Variants in PDE1C observed in about 807,000 individuals in gnomAD.
PDE1C encodes the protein dual specificity calcium/calmodulin-dependent 3',5'-cyclic nucleotide phosphodiesterase 1C.
A neutral mutation model predicts 93.1 loss-of-function variants in PDE1C; 62 were observed. That is an observed-to-expected ratio of 0.67 (90% CI 0.54 to 0.82). PDE1C has a LOEUF of 0.82. Among genes scored for constraint, PDE1C ranks in the 40% least tolerant of loss-of-function variants. The pLI is 0.00. For synonymous variants in PDE1C, 325 were observed against 310.1 expected (o/e 1.05, Z -0.50); for missense variants, 742 against 884.6 (o/e 0.84, Z 2.04).
chr7:31,782,555 C>T (rs1783512627), intron 16 of PDE1C, among the ~76,000 whole-genome samples: 1 of 152,164 alleles, frequency 6.6e-6, no homozygotes, highest in South Asian at 2.1e-4. Flanking sequence ...CACCAGGAGG[C>T]CCTGATGAAG....
intron 1 of PDE1C, among the ~76,000 whole-genome samples, chr7:32,423,896 C>CA (rs140564478): frequency 0.03 from 4,479 of 151,496 alleles, 140 homozygotes; most frequent in East Asian, 0.11. Context: ...GATCATTAAC[C>CA]AAAAAAAACA....
the PDE1C span, among the ~76,000 whole-genome samples, chr7:31,638,704 C>A: frequency 6.6e-6 from 1 of 151,922 alleles, no homozygotes; most frequent in Non-Finnish European, 1.5e-5. Flanking sequence ...TGTAATGTTC[C>A]TTTTCTCTGG....
intron 11 of PDE1C, 152 bp from the exon 12 acceptor site, chr7:31,828,525 C>G: frequency 1.7e-6 from 1 of 578,252 alleles, no homozygotes; most frequent in Non-Finnish European, 3.1e-6. Flanking sequence ...GCCTGCTTCT[C>G]TACATAAAAG....
intron 1 of PDE1C, among the ~76,000 whole-genome samples, chr7:32,238,661 T>C (rs181617811): frequency 6.6e-6 from 1 of 152,344 alleles, no homozygotes. Flanking sequence ...CACTTAATTA[T>C]GAAACCATTA....
chr7:31,667,084 T>A, the PDE1C span, among the ~76,000 whole-genome samples: 12 of 151,938 alleles, frequency 7.9e-5, no homozygotes, highest in African/African-American at 2.4e-4. Context: ...GGGGCAGGGG[T>A]CTCAGGTGGA....
At chr7:31,620,922 G>A in the PDE1C span, among the ~76,000 whole-genome samples, 5 of 152,040 alleles carry the variant, frequency 3.3e-5, no homozygotes, top group South Asian at 2.1e-4. Context: ...AGGAGCTGAT[G>A]GAGCTGAAAG....
the PDE1C span, among the ~76,000 whole-genome samples, chr7:31,691,985 C>T: frequency 2.6e-5 from 4 of 152,100 alleles, no homozygotes; most frequent in Non-Finnish European, 5.9e-5. Context: ...ATTTTCTGAG[C>T]CTCTGTCTCC....
intron 2 of PDE1C, among the ~76,000 whole-genome samples, chr7:32,031,447 A>G (rs1431844601): frequency 6.6e-6 from 1 of 152,292 alleles, no homozygotes; most frequent in Admixed American, 6.5e-5. Flanking sequence ...TCTAGATGAC[A>G]CCTCTACACT....
intron 1 of PDE1C, among the ~76,000 whole-genome samples, chr7:32,271,983 C>T (rs1811000465): frequency 6.6e-6 from 1 of 152,180 alleles, no homozygotes; most frequent in Non-Finnish European, 1.5e-5. Flanking sequence ...CAACAAATGC[C>T]AATAAGTCAC....
chr7:32,106,324 G>A (rs1475257651), intron 3 of PDE1C, among the ~76,000 whole-genome samples: 3 of 152,104 alleles, frequency 2.0e-5, no homozygotes, highest in Non-Finnish European at 4.4e-5. Flanking sequence ...GATTATAGGT[G>A]CAAGCCACTA....
At chr7:32,231,409 T>C (rs905508349) in intron 1 of PDE1C, among the ~76,000 whole-genome samples, 1 of 152,066 alleles carries the variant, frequency 6.6e-6, no homozygotes, top group Non-Finnish European at 1.5e-5. Flanking sequence ...AATGTAAAAA[T>C]AGTTGAAATG....
the PDE1C span, among the ~76,000 whole-genome samples, chr7:31,720,395 CCA>C: frequency 6.6e-6 from 1 of 152,156 alleles, no homozygotes; most frequent in Non-Finnish European, 1.5e-5. Context: ...AGCTTCCCTT[CCA>C]CTGCCTACAT....
the PDE1C span, among the ~76,000 whole-genome samples, chr7:31,627,184 C>T: frequency 1.3e-5 from 2 of 152,184 alleles, no homozygotes; most frequent in Non-Finnish European, 1.5e-5. Flanking sequence ...CCCCGTTGTC[C>T]ATGCAGTGCC....
At chr7:32,223,859 C>T (rs747136719) in intron 1 of PDE1C, among the ~76,000 whole-genome samples, 3 of 152,146 alleles carry the variant, frequency 2.0e-5, no homozygotes, top group Admixed American at 6.5e-5. Flanking sequence ...CATAGGCTCC[C>T]GGCAGCTTCC....
At chr7:31,843,314 T>C (rs2191876) in intron 9 of PDE1C, among the ~76,000 whole-genome samples, 125,721 of 151,778 alleles carry the variant, frequency 0.83, 52,195 homozygotes, top group East Asian at 0.96. Context: ...CCTCCTATGA[T>C]TGTGAAAATA....
chr7:31,898,028 G>T (rs1039620643), intron 2 of PDE1C, among the ~76,000 whole-genome samples: 319 of 49,030 alleles, frequency 6.5e-3, no homozygotes, highest in African/African-American at 0.013. Context: ...CTTTGTGTGT[G>T]TGTGTGTGTG....
At chr7:32,299,118 A>C in exon 1 of PDE1C, 1 of 1,047,018 alleles carries the variant, frequency 9.6e-7, no homozygotes, top group Non-Finnish European at 1.1e-6. Flanking sequence ...CGCGCGCCAC[A>C]GGAAAGTCTG....
intron 1 of PDE1C, among the ~76,000 whole-genome samples, chr7:32,210,846 A>T (rs1158274283): frequency 1.3e-5 from 2 of 152,300 alleles, no homozygotes; most frequent in East Asian, 3.9e-4. Context: ...ATAAGATGTT[A>T]TATAAAAATG....
intron 2 of PDE1C, among the ~76,000 whole-genome samples, chr7:32,044,098 T>C (rs1792199386): frequency 6.6e-6 from 1 of 152,158 alleles, no homozygotes; most frequent in Admixed American, 6.5e-5. Flanking sequence ...AAATCAGTGA[T>C]GCCACAAGGA....
Sources: allele counts gnomAD v4.1 joint callset (sites outside exome capture counted in the v4.1 genomes callset), GRCh38; gene constraint gnomAD v4.1.1; transcripts MANE v1.5; gene names NCBI Gene and HGNC (gene_info 2026-07-23, HGNC 2026-07-21).